Variants in NFS1 observed in about 807,000 individuals in gnomAD.
NFS1 encodes the protein NFS1 cysteine desulfurase, also known as cysteine desulfurase.
A neutral mutation model predicts 57.3 loss-of-function variants in NFS1; 26 were observed. The observed-to-expected ratio is 0.45, with a 90% CI of 0.33 to 0.63. The LOEUF (loss-of-function observed/expected upper bound fraction) is 0.63. Ranked by LOEUF, NFS1 falls within the 20% of genes least tolerant of loss-of-function variation. NFS1 has a pLI of 0.02. For synonymous variants in NFS1, 209 were observed against 216.3 expected, an observed-to-expected ratio of 0.97 and a Z score of 0.30; for missense variants, 505 against 605.8, an observed-to-expected ratio of 0.83 and a Z score of 1.75.
At chr20:35,690,635 G>T in intron 4 of NFS1, 70 bp from the exon 5 acceptor site, 1 of 1,529,494 alleles carries the variant, frequency 6.5e-7, no homozygotes, top group Non-Finnish European at 9.0e-7. Context: ...AATCTCATTT[G>T]TAAAGGAAAA....
At chr20:35,673,538 G>GT in intron 11 of NFS1, 63 bp downstream of exon 11, 13 of 1,417,630 alleles carry the variant, frequency 9.2e-6, no homozygotes, top group Non-Finnish European at 1.2e-5. Context: ...GAAAAAAACT[G>GT]TAACAGGAGA....
At chr20:35,674,141 A>T (rs1313290174) in intron 10 of NFS1, 3 of 566,864 alleles carry the variant, frequency 5.3e-6, no homozygotes, top group Admixed American at 3.0e-5. Context: ...AAGGCACAAA[A>T]TTCTACCCCA....
intron 7 of NFS1, among the ~76,000 whole-genome samples, chr20:35,678,574 G>A (rs1016451235): frequency 1.3e-5 from 2 of 151,068 alleles, no homozygotes; most frequent in African/African-American, 4.9e-5. Flanking sequence ...CGGGCACAGT[G>A]GGCCTATAAT....
chr20:35,690,344 AAG>A lies in NFS1; in HGVS notation c.561+67_561+68del. On this transcript the variant is annotated intron_variant, in intron 5 of 12. Transcript: ENST00000374092. ...TTCCTTCAAGCTCCAGCTAGGGCCC[AAG>A]AGAGAAATTTACAAGCTGAAGCCAG... The A allele has an allele frequency of 3.3e-6, 5 of 1,502,254 alleles. No individual in the cohort carries two copies. In the South Asian group the frequency reaches 6.0e-5, roughly 18 times the overall value. The allele number at this position is 1,502,254 out of a possible 1,614,324, so 93.1% of individuals were successfully genotyped here. A position where few individuals can be genotyped will look rare whatever the true frequency, so the allele number is the denominator to read the frequency against.
intron 5 of NFS1, among the ~76,000 whole-genome samples, chr20:35,685,952 G>A (rs1363763284): frequency 6.8e-6 from 1 of 146,938 alleles, no homozygotes; most frequent in East Asian, 2.1e-4. Context: ...TTTTTGAGAT[G>A]GAGTCTTGCT....
At position 35,699,319 on chromosome 20, in the gene NFS1, C is replaced by T; in HGVS notation, c.-31G>A. The T allele has an allele frequency of 7.2e-7, 1 of 1,395,290 alleles. No homozygotes were observed. Among genetic ancestry groups the T allele is most frequent in the East Asian group, 2.9e-5 (1 of 34,440 alleles). The allele number at this position is 1,395,290 out of a possible 1,614,324, so 86.4% of individuals were successfully genotyped here. A position where few individuals can be genotyped will look rare whatever the true frequency, so the allele number is the denominator to read the frequency against. ...CGCTGGCAGAGCCCACCTTCCGAAGCCGCTGCAGTCCTGGGCCCCAGGCTC... is the reference window on the plus strand; with the variant it reads ...CGCTGGCAGAGCCCACCTTCCGAAGTCGCTGCAGTCCTGGGCCCCAGGCTC... On this transcript the variant is annotated 5_prime_UTR_variant, in exon 1 of 13. Coordinates refer to ENST00000374092, the MANE Select transcript of NFS1 (RefSeq NM_021100.5). This position sits in a 1 kb window ranked among gnomAD's most constrained non-coding sequence, Gnocchi z 4.4.
At position 35,669,656 on chromosome 20, in the gene NFS1, A is replaced by G. The variant is rs1316866157; in HGVS notation, c.1340T>C (p.Ile447Thr). Residue 447 changes from isoleucine (I) to threonine (T), a missense_variant, in exon 13 of 13, where the codon ATT (isoleucine) becomes ACT (threonine). Ile to Thr is a moderately conservative substitution (Grantham distance 89, BLOSUM62 -1). Coordinates refer to ENST00000374092, the MANE Select transcript of NFS1 (RefSeq NM_021100.5). Reference protein sequence around the residue: ...SPLWEMVQDGIDLKSIKWTQH With the variant: ...SPLWEMVQDGTDLKSIKWTQH ...GGTCCACTTGATGCTCTTGAGGTCAATGCCATCCTGAACCATCTCCCAGAG... is the reference window on the plus strand; with the variant it reads ...GGTCCACTTGATGCTCTTGAGGTCAGTGCCATCCTGAACCATCTCCCAGAG... 6 of 1,614,036 alleles carry G rather than the reference A, an allele frequency of 3.7e-6. No individual in the cohort carries two copies. The highest frequency in any genetic ancestry group is 1.7e-5 in the Admixed American group (1 of 59,994).
intron 8 of NFS1, 120 bp from the exon 9 acceptor site, chr20:35,674,737 G>GAGTACATAGGA: frequency 2.5e-6 from 2 of 796,366 alleles, no homozygotes; most frequent in Non-Finnish European, 4.2e-6. Context: ...ATCATCCTAT[G>GAGTACATAGGA]TACTCATGGG....
intron 7 of NFS1, among the ~76,000 whole-genome samples, chr20:35,676,953 A>C (rs2034763423): frequency 6.6e-6 from 1 of 151,286 alleles, no homozygotes; most frequent in Non-Finnish European, 1.5e-5. Context: ...CGCAACCTCC[A>C]CCTTCCCGGT....
chr20:35,684,298 G>A (rs1159986450), intron 5 of NFS1, among the ~76,000 whole-genome samples: 1 of 151,550 alleles, frequency 6.6e-6, no homozygotes, highest in African/African-American at 2.4e-5. Context: ...CAGCTACTTG[G>A]GGAAGGGGCT....
chr20:35,673,562 A>C (rs754553955), intron 11 of NFS1, 39 bp downstream of exon 11: 19 of 1,538,676 alleles, frequency 1.2e-5, no homozygotes, highest in Non-Finnish European at 1.7e-5. Context: ...AAAATATAAG[A>C]GGATGCCTTT....
In NFS1 at chr20:35,674,372, C is replaced by T. The variant is rs1392978446; in HGVS notation, c.1114G>A (p.Asp372Asn). The part of the protein sequence containing the change: ...EGESLLMALK[D>N]VALSSGSACT... ...CACCTCCCTGAGGATAAGGCAACGTCCTTCAGTGCCATCAGCAGACTTTCC... is the reference window on the plus strand; with the variant it reads ...CACCTCCCTGAGGATAAGGCAACGTTCTTCAGTGCCATCAGCAGACTTTCC... Residue 372 changes from aspartate to asparagine, a missense_variant, in exon 10 of 13, where the codon GAC (aspartate) becomes AAC (asparagine). Physicochemically the swap from Asp to Asn is conservative, Grantham distance 23. Coordinates refer to ENST00000374092, the MANE Select transcript of NFS1 (RefSeq NM_021100.5). The T allele has an allele frequency of 1.2e-6, 2 of 1,614,146 alleles. No homozygotes were observed. The highest frequency in any genetic ancestry group is 1.7e-6 in the Non-Finnish European group (2 of 1,180,028).
In NFS1 at chr20:35,699,086, G is replaced by C. The variant is rs2035196334; in HGVS notation, c.97+106C>G. Reference sequence around the variant, plus strand: ...GATGTGTCATTTGAGAGAAGGGTCAGAGGGTCTGGGCAGCAGGGTGGACAG... The same window carrying C: ...GATGTGTCATTTGAGAGAAGGGTCACAGGGTCTGGGCAGCAGGGTGGACAG... On this transcript the variant is annotated intron_variant, in intron 1 of 12. Transcript: ENST00000374092. This position sits in a 1 kb window ranked among gnomAD's most constrained non-coding sequence, Gnocchi z 4.4. 1 of 1,341,588 alleles carries C rather than the reference G, an allele frequency of 7.5e-7. No homozygotes were observed. Among genetic ancestry groups the C allele is most frequent in the Non-Finnish European group, 9.5e-7 (1 of 1,050,398 alleles). 83.1% of individuals were successfully genotyped at this position (1,341,588 alleles called of 1,614,324 possible). A position where few individuals can be genotyped will look rare whatever the true frequency, so the allele number is the denominator to read the frequency against.
chr20:35,682,679 C>T (rs1374079308), intron 5 of NFS1: 2 of 152,286 alleles, frequency 1.3e-5, no homozygotes, highest in Non-Finnish European at 2.9e-5. Flanking sequence ...GCCCCAGCCA[C>T]TTCGGAGGTT....
rs769997455 is a variant in NFS1 at position 35,698,551 on chromosome 20, G to T, written c.137C>A (p.Thr46Lys). 2 of 1,613,776 alleles carry T rather than the reference G, an allele frequency of 1.2e-6. No individual in the cohort carries two copies. Among genetic ancestry groups the T allele is most frequent in the Admixed American group, 3.3e-5 (2 of 59,862 alleles). ...RAPQSAVPADTAAAPEVGPVL... is the reference protein window; with the variant it reads ...RAPQSAVPADKAAAPEVGPVL... ...TGGCCCCACCTCCGGGGCAGCGGCTGTATCTGCGGGAACCGCAGACTGAGG... is the reference window on the plus strand; with the variant it reads ...TGGCCCCACCTCCGGGGCAGCGGCTTTATCTGCGGGAACCGCAGACTGAGG... Residue 46 changes from threonine to lysine, a missense_variant, in exon 2 of 13, where the codon ACA becomes AAA. Coordinates refer to ENST00000374092, the MANE Select transcript of NFS1 (RefSeq NM_021100.5).
chr20:35,669,724 G>C (rs758048378), intron 12 of NFS1, 39 bp from the exon 13 acceptor site: 1 of 1,591,304 alleles, frequency 6.3e-7, no homozygotes, highest in Non-Finnish European at 8.6e-7. Context: ...TGAGGGCTTA[G>C]ATAGGAAGTC....
intron 2 of NFS1, 29 bp downstream of exon 2, chr20:35,698,452 A>C (rs375075491): frequency 9.6e-5 from 145 of 1,509,708 alleles, no homozygotes; most frequent in Admixed American, 1.6e-4. Context: ...ACTTCCTATA[A>C]GCAGCCTTGG....
chr20:35,675,223 CA>C, intron 7 of NFS1, 21 bp from the exon 8 acceptor site: 2 of 1,567,790 alleles, frequency 1.3e-6, no homozygotes, highest in East Asian at 2.3e-5. Flanking sequence ...AAATTTGTTA[CA>C]AAAAACAGAA....
At chr20:35,686,218 C>A (rs1446664717) in intron 5 of NFS1, among the ~76,000 whole-genome samples, 2 of 151,490 alleles carry the variant, frequency 1.3e-5, no homozygotes, top group Non-Finnish European at 1.5e-5. Context: ...ATCCGCCTCC[C>A]AAAGTGCTGG....
Sources: allele counts gnomAD v4.1 joint callset (sites outside exome capture counted in the v4.1 genomes callset), GRCh38; gene constraint gnomAD v4.1.1; non-coding constraint Gnocchi (gnomAD v3.1); transcripts MANE v1.5; gene names NCBI Gene and HGNC (gene_info 2026-07-23, HGNC 2026-07-21).